Variants in MEGF9 observed in about 807,000 individuals in gnomAD.
MEGF9 encodes the protein multiple EGF like domains 9.
In MEGF9, 6 loss-of-function variants were observed where a neutral mutation model predicts 46.8. That is an observed-to-expected ratio of 0.13 (90% confidence interval 0.07 to 0.25). MEGF9 has a LOEUF of 0.25. Ranked by LOEUF, MEGF9 falls within the 10% of genes least tolerant of loss-of-function variation. MEGF9 has a pLI of 1.00. For synonymous variants in MEGF9, 302 were observed against 330.7 expected (o/e 0.91, Z 0.94); for missense variants, 683 against 792.4 (o/e 0.86, Z 1.66).
intron 2 of MEGF9, among the ~76,000 whole-genome samples, chr9:120,634,063 G>T (rs1419496779): frequency 6.6e-6 from 1 of 152,166 alleles, no homozygotes; most frequent in Non-Finnish European, 1.5e-5. Context: ...ACATTTTGTA[G>T]CTTTTGGATT....
At chr9:120,666,860 A>G (rs1329694376) in intron 1 of MEGF9, among the ~76,000 whole-genome samples, 1 of 152,164 alleles carries the variant, frequency 6.6e-6, no homozygotes, top group Non-Finnish European at 1.5e-5. Context: ...TGAATCTTAA[A>G]TGCATTATGC....
At chr9:120,608,863 T>C (rs866528057) in intron 4 of MEGF9, among the ~76,000 whole-genome samples, 1 of 152,204 alleles carries the variant, frequency 6.6e-6, no homozygotes, top group African/African-American at 2.4e-5. Context: ...TTCATATTAA[T>C]TGTACCTGAT....
In MEGF9 at chr9:120,604,429, T is replaced by A. The variant is rs1289465840; in HGVS notation, c.*761A>T. ...TTTTTTTTTTACAAATAGATACAAA[T>A]ACAACGTCGACCAGATATGCTACAT... On this transcript the variant is annotated 3_prime_UTR_variant, in exon 6 of 6. Transcript: ENST00000373930. 2.0e-5 allele frequency: 3 copies of A among 152,678 alleles called. No homozygotes were observed. The highest frequency in any genetic ancestry group is 6.5e-5 in the Admixed American group (1 of 15,290). The allele number at this position is 152,678 out of a possible 1,614,324, so 9.5% of individuals were successfully genotyped here.
chr9:120,697,579 T>C (rs1189025555), intron 1 of MEGF9, among the ~76,000 whole-genome samples: 2 of 152,196 alleles, frequency 1.3e-5, no homozygotes, highest in Non-Finnish European at 1.5e-5. Flanking sequence ...AAGCATGACA[T>C]TGTCTCTTGT....
rs2043412496 is a variant in MEGF9, at chr9:120,604,729, C to A, written c.*461G>T. On this transcript the variant is annotated 3_prime_UTR_variant, in exon 6 of 6. Transcript: ENST00000373930. ...TGATACAGCCTAGAAACAAGCTTTT[C>A]CTCAATGATGTCCTTTTGTATAGTA... 1 of 164,052 alleles carries A rather than the reference C, an allele frequency of 6.1e-6. No homozygotes were observed. Among genetic ancestry groups the A allele is most frequent in the Non-Finnish European group, 1.4e-5 (1 of 73,752 alleles). 10.2% of individuals were successfully genotyped at this position (164,052 alleles called of 1,614,324 possible).
intron 2 of MEGF9, among the ~76,000 whole-genome samples, chr9:120,625,606 C>T (rs146703808): frequency 8.6e-5 from 13 of 151,808 alleles, no homozygotes; most frequent in African/African-American, 1.4e-4. Context: ...GAGGCTGAGG[C>T]GAGTGGATCA....
At chr9:120,622,240 T>A (rs1307066170) in intron 3 of MEGF9, among the ~76,000 whole-genome samples, 3 of 152,194 alleles carry the variant, frequency 2.0e-5, no homozygotes, top group Non-Finnish European at 4.4e-5. Context: ...ACATTTCTTG[T>A]ATCTCTTTCC....
chr9:120,649,862 C>A (rs2043642183), intron 2 of MEGF9, among the ~76,000 whole-genome samples: 1 of 152,144 alleles, frequency 6.6e-6, no homozygotes, highest in Admixed American at 6.5e-5. Flanking sequence ...TACTGTGTAG[C>A]AGCAACGACA....
At chr9:120,608,693 A>G (rs934285926) in intron 4 of MEGF9, among the ~76,000 whole-genome samples, 2 of 152,174 alleles carry the variant, frequency 1.3e-5, no homozygotes, top group Admixed American at 6.5e-5. Context: ...AACATGTACA[A>G]CACTGTCCTC....
intron 4 of MEGF9, among the ~76,000 whole-genome samples, chr9:120,610,570 G>T (rs988795184): frequency 1.3e-5 from 2 of 152,146 alleles, no homozygotes; most frequent in Admixed American, 1.3e-4. Flanking sequence ...CCTGCTAAAT[G>T]CAGACTCCCA....
chr9:120,659,452 A>G lies in MEGF9; in HGVS notation c.725T>C (p.Phe242Ser). ...GAGCCCAGAAGTGTAATTTAGGTAA[A>G]AGCCCTCTTTGCAGGTTTCACAGTG... is the stretch of plus-strand genomic sequence containing the variant. ...GLHCETCKEG[F>S]YLNYTSGLCQ... The change falls in exon 2 of 6, where the codon TTT (phenylalanine) becomes TCT (serine). Residue 242 changes from phenylalanine (F) to serine (S), a missense_variant. Physicochemically the swap from Phe to Ser is radical, Grantham distance 155. Coordinates refer to ENST00000373930, the MANE Select transcript of MEGF9 (RefSeq NM_001080497.3). The G allele has an allele frequency of 6.2e-7, 1 of 1,613,850 alleles. No individual in the cohort carries two copies. The highest frequency in any genetic ancestry group is 8.5e-7 in the Non-Finnish European group (1 of 1,179,848).
intron 2 of MEGF9, among the ~76,000 whole-genome samples, chr9:120,632,776 A>AT (rs2043556503): frequency 6.6e-6 from 1 of 151,848 alleles, no homozygotes. Flanking sequence ...TCTTCTGTCT[A>AT]TTTTTTGAGT....
intron 1 of MEGF9, among the ~76,000 whole-genome samples, chr9:120,660,689 G>C (rs2043698349): frequency 6.6e-6 from 1 of 152,016 alleles, no homozygotes; most frequent in African/African-American, 2.4e-5. Flanking sequence ...TTCATTTTTT[G>C]CTACTGCCTC....
chr9:120,635,442 A>G (rs935003506), intron 2 of MEGF9, among the ~76,000 whole-genome samples: 1 of 152,130 alleles, frequency 6.6e-6, no homozygotes. Context: ...CTCTCACAAT[A>G]CAAATACTTG....
chr9:120,714,468 T>C lies in MEGF9; in HGVS notation c.-110A>G. ...ACCGGGCGCACCATCGCCACCTCCCTCTGACAGGCGGCCGGCCCCGCGGGC... is the reference window on the plus strand; with the variant it reads ...ACCGGGCGCACCATCGCCACCTCCCCCTGACAGGCGGCCGGCCCCGCGGGC... On this transcript the variant is annotated 5_prime_UTR_variant, in exon 1 of 6. Coordinates refer to ENST00000373930, the MANE Select transcript of MEGF9 (RefSeq NM_001080497.3). 1.0e-6 allele frequency: 1 copy of C among 975,500 alleles called. No homozygotes were observed. The allele number at this position is 975,500 out of a possible 1,614,324, so 60.4% of individuals were successfully genotyped here.
intron 3 of MEGF9, among the ~76,000 whole-genome samples, chr9:120,615,724 G>A (rs1221174784): frequency 6.6e-6 from 1 of 151,864 alleles, no homozygotes; most frequent in African/African-American, 2.4e-5. Flanking sequence ...GCAAAATACT[G>A]TCTCTACAAA....
intron 1 of MEGF9, among the ~76,000 whole-genome samples, chr9:120,710,469 GT>G (rs1227267425): frequency 6.7e-6 from 1 of 148,966 alleles, no homozygotes; most frequent in East Asian, 1.9e-4. Flanking sequence ...CAACCAATCA[GT>G]GAATGTTTTG....
In MEGF9 at chr9:120,714,061, G is replaced by A. The variant is rs746416602; in HGVS notation, c.298C>T (p.Pro100Ser). The change falls in exon 1 of 6, where the codon CCG (proline) becomes TCG (serine). Residue 100 changes from proline (P) to serine (S), a missense_variant. Physicochemically the swap from Pro to Ser is moderately conservative, Grantham distance 74. Transcript: ENST00000373930. ...PLAATSPAQS[P>S]ETTPLWATAG... ...GTCGCCCAAAGAGGGGTGGTCTCCG[G>A]GGACTGGGCTGGAGAAGTCGCAGCC... 7.7e-7 allele frequency: 1 copy of A among 1,294,590 alleles called. No individual in the cohort carries two copies. Among genetic ancestry groups the A allele is most frequent in the Non-Finnish European group, 9.8e-7 (1 of 1,019,176 alleles). 80.2% of individuals were successfully genotyped at this position (1,294,590 alleles called of 1,614,324 possible). A position where few individuals can be genotyped will look rare whatever the true frequency, so the allele number is the denominator to read the frequency against.
intron 1 of MEGF9, among the ~76,000 whole-genome samples, chr9:120,672,460 AT>A (rs1470211734): frequency 1.5e-4 from 23 of 151,586 alleles, no homozygotes; most frequent in Non-Finnish European, 2.8e-4. Flanking sequence ...AAATAAATAA[AT>A]AAATAAATAA....
Sources: allele counts gnomAD v4.1 joint callset (sites outside exome capture counted in the v4.1 genomes callset), GRCh38; gene constraint gnomAD v4.1.1; transcripts MANE v1.5; gene names NCBI Gene and HGNC (gene_info 2026-07-23, HGNC 2026-07-21).